LFNG: variants seen among roughly 807,000 people sequenced by gnomAD.
LFNG encodes beta-1,3-N-acetylglucosaminyltransferase lunatic fringe.
In LFNG, 15 loss-of-function variants were observed where a neutral mutation model predicts 32.7. That is an observed-to-expected ratio of 0.46 (90% CI 0.31 to 0.71). LFNG has a LOEUF of 0.71. Ranked by LOEUF, LFNG falls within the 30% of genes least tolerant of loss-of-function variation. The probability of loss-of-function intolerance (pLI) is 0.06; values close to 1 mark genes in which losing one functional copy is unlikely to be tolerated. For missense variants in LFNG, 520 were observed against 545.7 expected, an observed-to-expected ratio of 0.95 and a Z score of 0.47; for synonymous variants, 274 against 246.8, an observed-to-expected ratio of 1.11 and a Z score of -1.03.
rs556190978 is a variant in LFNG, at chr7:2,524,981, G to A, written c.481+238G>A. Among the ~76,000 whole-genome samples, 6 of 152,368 alleles carry A rather than the reference G, an allele frequency of 3.9e-5. No homozygotes were observed. The South Asian group carries it at 1.2e-3, about 32-fold the overall frequency. The stretch of plus-strand genomic sequence containing the variant: ...TGAGCCCAGGCAGCGGCAACAGGTG[G>A]CGGGTGCTGGGAAAAAGCTGCCTGA... On this transcript the variant is annotated intron_variant, in intron 2 of 7. Coordinates refer to ENST00000222725, the MANE Select transcript of LFNG (RefSeq NM_001040167.2).
chr7:2,522,828 G>C (rs990344822), intron 1 of LFNG, among the ~76,000 whole-genome samples: 2 of 152,246 alleles, frequency 1.3e-5, no homozygotes, highest in Non-Finnish European at 1.5e-5. Flanking sequence ...GAGAGAATCT[G>C]TCTTTGCACT....
upstream of LFNG, chr7:2,518,618 G>A: frequency 6.2e-7 from 1 of 1,611,106 alleles, no homozygotes; most frequent in Non-Finnish European, 8.5e-7. Flanking sequence ...GGGGCTCCAA[G>A]GGCACTTAAA....
intron 1 of LFNG, among the ~76,000 whole-genome samples, chr7:2,521,231 G>A (rs1369287149): frequency 6.6e-6 from 1 of 152,172 alleles, no homozygotes; most frequent in Admixed American, 6.5e-5. Context: ...ACGGGGAGGG[G>A]CAGGGTCCTC....
chr7:2,515,902 G>A (rs937168704), upstream of LFNG, among the ~76,000 whole-genome samples: 2 of 152,224 alleles, frequency 1.3e-5, no homozygotes, highest in Admixed American at 6.5e-5. Flanking sequence ...GCCACCCTGC[G>A]GTATCCCTCC....
At position 2,527,556 on chromosome 7, in the gene LFNG, A is replaced by G. The variant is rs1439666467; in HGVS notation, c.*344A>G. On this transcript the variant is annotated 3_prime_UTR_variant, in exon 8 of 8. Coordinates refer to ENST00000222725, the MANE Select transcript of LFNG (RefSeq NM_001040167.2). The surrounding 1 kb of genome is among the most constrained non-coding windows in gnomAD (Gnocchi z 4.4). ...TTCTACAGCTACGGGGCTCCGGGCT[A>G]CTTTGCAGGGATGCGATGCGTAGGT... The G allele has an allele frequency of 4.8e-6, 6 of 1,253,540 alleles. No individual in the cohort carries two copies. In the East Asian group the frequency reaches 1.7e-4, roughly 36 times the overall value. 77.7% of individuals were successfully genotyped at this position (1,253,540 alleles called of 1,614,324 possible).
chr7:2,513,336 C>T (rs750505584), upstream of LFNG: 15 of 1,586,842 alleles, frequency 9.5e-6, no homozygotes, highest in South Asian at 1.4e-4. Flanking sequence ...CAGGTGTGAT[C>T]GCCATTCCTG....
intron 1 of LFNG, among the ~76,000 whole-genome samples, chr7:2,521,409 G>C (rs1435921719): frequency 6.6e-6 from 1 of 152,234 alleles, no homozygotes; most frequent in African/African-American, 2.4e-5. Flanking sequence ...CGGCTCTCAC[G>C]CCGGCCCCTT....
upstream of LFNG, among the ~76,000 whole-genome samples, chr7:2,515,916 G>A (rs1011206526): frequency 3.9e-5 from 6 of 152,222 alleles, no homozygotes; most frequent in South Asian, 2.1e-4. Flanking sequence ...TCCCTCCCCC[G>A]GCCTTGGGAG....
At chr7:2,515,180 A>C (rs1397634379), upstream of LFNG, among the ~76,000 whole-genome samples, 1 of 151,792 alleles carries the variant, frequency 6.6e-6, no homozygotes, top group Non-Finnish European at 1.5e-5. Flanking sequence ...TCATCCATCC[A>C]TCCATCCGTC....
At chr7:2,513,477 G>T (rs1240472637), upstream of LFNG, 38 of 957,228 alleles carry the variant, frequency 4.0e-5, no homozygotes, top group Non-Finnish European at 5.5e-5. Context: ...GATCAGGGAG[G>T]TACACAAGCC....
upstream of LFNG, chr7:2,517,952 A>G: frequency 1.7e-6 from 2 of 1,144,118 alleles, no homozygotes; most frequent in Non-Finnish European, 2.2e-6. Flanking sequence ...CAGGTAGGAT[A>G]GGAGTGGGTG....
chr7:2,521,878 C>T (rs1446892093), intron 1 of LFNG, among the ~76,000 whole-genome samples: 1 of 152,176 alleles, frequency 6.6e-6, no homozygotes, highest in East Asian at 1.9e-4. Flanking sequence ...GGGGTGAACC[C>T]GGCGGGCACT....
intron 2 of LFNG, 83 bp from the exon 3 acceptor site, chr7:2,525,136 C>T: frequency 8.1e-7 from 1 of 1,238,542 alleles, no homozygotes; most frequent in Non-Finnish European, 1.2e-6. Flanking sequence ...TTCTCGAGCC[C>T]CTGGGCCCTG....
chr7:2,526,317 G>A lies in LFNG; in HGVS notation c.895G>A (p.Ala299Thr), dbSNP rs778512743. 2.5e-6 allele frequency: 4 copies of A among 1,612,788 alleles called. No homozygotes were observed. Residue 299 changes from alanine to threonine, a missense_variant, in exon 6 of 8, where the codon GCC (alanine) becomes ACC (threonine). Ala to Thr is a moderately conservative substitution (Grantham distance 58). Around this residue, in one of 3 missense-constraint regions of LFNG, gnomAD observed 150 missense variants for 159.9 expected, o/e 0.94. Coordinates refer to ENST00000222725, the MANE Select transcript of LFNG (RefSeq NM_001040167.2). This position sits in a 1 kb window ranked among gnomAD's most constrained non-coding sequence, Gnocchi z 6.9. ...CTGCACCATCGGCTACATCGTGGAG[G>A]CCCTGCTGGGTGTGCCCCTCATCCG... ...DDCTIGYIVE[A>T]LLGVPLIRSG...
Position 2,526,243 on chromosome 7 carries a change from G to C in LFNG, c.822-1G>C. 1 of 1,612,878 alleles carries C rather than the reference G, an allele frequency of 6.2e-7. No individual in the cohort carries two copies. The highest frequency in any genetic ancestry group is 8.5e-7 in the Non-Finnish European group (1 of 1,179,952). ...CTGGTCTGGGCCCTTCCCTCCCGCA[G>C]CGGGGGTCACTTCATGAATACGGCT... On this transcript the variant is annotated splice_acceptor_variant, in intron 5 of 7. Coordinates refer to ENST00000222725, the MANE Select transcript of LFNG (RefSeq NM_001040167.2). LOFTEE classifies it high-confidence loss of function. The surrounding 1 kb of genome is among the most constrained non-coding windows in gnomAD (Gnocchi z 6.9).
chr7:2,513,343 C>G (rs1374697786), upstream of LFNG: 3 of 1,579,980 alleles, frequency 1.9e-6, no homozygotes. Flanking sequence ...GATCGCCATT[C>G]CTGGGGACAT....
At chr7:2,517,813 G>C (rs568865011), upstream of LFNG, 74 of 1,176,966 alleles carry the variant, frequency 6.3e-5, no homozygotes, top group African/African-American at 9.5e-4. Flanking sequence ...ACTAAGTCAC[G>C]AGGTGCGTGA....
At chr7:2,519,563 G>T (rs963391012), upstream of LFNG, among the ~76,000 whole-genome samples, 1 of 150,568 alleles carries the variant, frequency 6.6e-6, no homozygotes, top group African/African-American at 2.4e-5. Context: ...ACCCGGGGCG[G>T]GGGGGGTGCG....
At chr7:2,521,450 G>A (rs866117594) in intron 1 of LFNG, among the ~76,000 whole-genome samples, 8 of 152,228 alleles carry the variant, frequency 5.3e-5, no homozygotes, top group African/African-American at 1.2e-4. Context: ...TTTCTCCAGC[G>A]AGAAAGGCGT....
Sources: gnomAD v4.1 joint callset for allele counts (sites outside exome capture counted in the v4.1 genomes callset) on GRCh38, gnomAD v4.1.1 for gene constraint, gnomAD v4.1.1 regional missense constraint, Gnocchi (gnomAD v3.1) non-coding constraint, MANE v1.5 for transcripts, NCBI Gene and HGNC (gene_info 2026-07-23, HGNC 2026-07-21) for gene names.